EPM2A: variants seen among roughly 807,000 people sequenced by gnomAD.
EPM2A encodes the protein EPM2A glucan phosphatase, laforin.
Under a neutral mutation model 26.5 loss-of-function variants are expected in EPM2A, and 21 were observed. The ratio of observed to expected loss-of-function variants is 0.79; its 90% CI spans 0.56 to 1.14. The LOEUF (loss-of-function observed/expected upper bound fraction) is 1.14. Among genes scored for constraint, EPM2A ranks in the 50% most tolerant of loss-of-function variants. The pLI, the probability that EPM2A is intolerant of heterozygous loss-of-function variation, is 0.00. For synonymous variants in EPM2A, 217 were observed against 177.6 expected, an observed-to-expected ratio of 1.22 and a Z score of -1.76; for missense variants, 458 against 440.8, an observed-to-expected ratio of 1.04 and a Z score of -0.35.
intron 2 of EPM2A, 80 bp downstream of exon 2, chr6:145,686,042 C>G: frequency 7.4e-7 from 1 of 1,346,634 alleles, no homozygotes; most frequent in Non-Finnish European, 1.1e-6. Flanking sequence ...ACTGCAGTTT[C>G]GAACACAGTA....
intron 4 of EPM2A, among the ~76,000 whole-genome samples, chr6:145,488,549 GAT>G (rs1562355082): frequency 1.4e-5 from 2 of 144,954 alleles, no homozygotes; most frequent in East Asian, 2.0e-4. Flanking sequence ...GAGAGAGAGA[GAT>G]ACTTTATTTT....
intron 4 of EPM2A, among the ~76,000 whole-genome samples, chr6:145,483,167 T>A (rs1261769563): frequency 6.6e-6 from 1 of 152,116 alleles, no homozygotes; most frequent in Non-Finnish European, 1.5e-5. Context: ...TCTTTTAGCA[T>A]GAAATAGCCC....
Position 145,492,108 on chromosome 6 carries a change from C to T in EPM2A, c.555+10414G>A, listed in dbSNP as rs558273680. 23 of 248,820 alleles carry T rather than the reference C, an allele frequency of 9.2e-5. No homozygotes were observed. In the Admixed American group the frequency reaches 1.2e-3, roughly 13 times the overall value. 15.4% of individuals were successfully genotyped at this position (248,820 alleles called of 1,614,324 possible). The stretch of plus-strand genomic sequence containing the variant: ...CAACCTCCATGGCCATCAGGTTGCC[C>T]TAGTTCATGGTCTGTCCTCCTTCTG... On this transcript the variant is annotated intron_variant, in intron 4 of 4. Transcript: ENST00000638717.
At chr6:145,464,918 C>A (rs999408589) in intron 4 of EPM2A, among the ~76,000 whole-genome samples, 13 of 152,102 alleles carry the variant, frequency 8.5e-5, no homozygotes, top group Non-Finnish European at 1.5e-4. Context: ...TTTTTTCCTT[C>A]ATTTCAACTT....
At chr6:145,573,102 C>A (rs961307135) in intron 2 of EPM2A, among the ~76,000 whole-genome samples, 5 of 152,194 alleles carry the variant, frequency 3.3e-5, no homozygotes, top group African/African-American at 1.2e-4. Flanking sequence ...AAATGTCTCA[C>A]CAGTAAGTCC....
intron 4 of EPM2A, among the ~76,000 whole-genome samples, chr6:145,426,890 T>G (rs1433434911): frequency 6.6e-6 from 1 of 152,228 alleles, no homozygotes; most frequent in Admixed American, 6.5e-5. Flanking sequence ...TGAATCATCT[T>G]CAAAATGCAA....
At chr6:145,733,488 T>C (rs1219702343) in intron 1 of EPM2A, among the ~76,000 whole-genome samples, 2 of 152,132 alleles carry the variant, frequency 1.3e-5, no homozygotes, top group East Asian at 3.8e-4. Context: ...AACAAAAGTT[T>C]GTGGTACCTT....
chr6:145,386,921 AGACTTTTT>A (rs1288505987), intron 4 of EPM2A, among the ~76,000 whole-genome samples: 23 of 152,194 alleles, frequency 1.5e-4, no homozygotes, highest in Non-Finnish European at 1.9e-4. Context: ...TTGTTTAAAA[AGACTTTTT>A]CAGAGTATTG....
At chr6:145,509,921 G>A (rs1582811470) in intron 2 of EPM2A, among the ~76,000 whole-genome samples, 1 of 151,936 alleles carries the variant, frequency 6.6e-6, no homozygotes, top group South Asian at 2.1e-4. Context: ...ACAAAAAGGA[G>A]TAAATGTCAC....
Position 145,580,161 on chromosome 6 carries a change from C to G in EPM2A, c.340+55084G>C, listed in dbSNP as rs146078855. The stretch of plus-strand genomic sequence containing the variant: ...TCTTGTTTCTCTGATTAGATCCATA[C>G]TTCCATCTGGTATCATTGACCTTCT... On this transcript the variant is annotated intron_variant, in intron 2 of 3. Coordinates refer to the EPM2A transcript ENST00000450221. Among the ~76,000 whole-genome samples the G allele has an allele frequency of 7.1e-3, 1,082 of 152,260 alleles. 47 individuals carry two copies. Among genetic ancestry groups the G allele is most frequent in the Admixed American group, 0.062 (945 of 15,290 alleles).
chr6:145,712,678 A>G (rs1025912840), intron 1 of EPM2A, among the ~76,000 whole-genome samples: 2 of 152,174 alleles, frequency 1.3e-5, no homozygotes, highest in Non-Finnish European at 2.9e-5. Flanking sequence ...GAGTGTTTTG[A>G]GACACTAGCC....
chr6:145,666,715 A>G (rs981059544), intron 2 of EPM2A, among the ~76,000 whole-genome samples: 2 of 146,282 alleles, frequency 1.4e-5, no homozygotes, highest in African/African-American at 5.2e-5. Flanking sequence ...AGTCAATCCT[A>G]AGCCAAAAGA....
intron 2 of EPM2A, among the ~76,000 whole-genome samples, chr6:145,579,404 T>G (rs2114834361): frequency 6.6e-6 from 1 of 152,286 alleles, no homozygotes; most frequent in South Asian, 2.1e-4. Context: ...AAGATTGGCA[T>G]GTCCTGGAGA....
intron 4 of EPM2A, chr6:145,463,116 G>A (rs1779346507): frequency 6.6e-6 from 1 of 152,088 alleles, no homozygotes; most frequent in Admixed American, 6.6e-5. Flanking sequence ...CCTCTTCACA[G>A]GTAATGAGGG....
chr6:145,647,588 A>T (rs1312558251), intron 2 of EPM2A, among the ~76,000 whole-genome samples: 1 of 152,208 alleles, frequency 6.6e-6, no homozygotes, highest in Non-Finnish European at 1.5e-5. Flanking sequence ...TTCCTAGAGA[A>T]CAAGGATGCT....
chr6:145,720,674 T>TTTGTTTGGAGTACCA (rs1223861913), intron 1 of EPM2A, among the ~76,000 whole-genome samples: 1 of 152,194 alleles, frequency 6.6e-6, no homozygotes, highest in Admixed American at 6.5e-5. Context: ...ACAGAGATGG[T>TTTGTTTGGAGTACCA]AATATTTTGG....
chr6:145,729,835 T>C (rs867535281), intron 1 of EPM2A, among the ~76,000 whole-genome samples: 1 of 152,172 alleles, frequency 6.6e-6, no homozygotes. Flanking sequence ...GGAAGTGGAA[T>C]GATATGGTTT....
At chr6:145,501,929 G>T in intron 3 of EPM2A, 1 of 463,984 alleles carries the variant, frequency 2.2e-6, no homozygotes, top group South Asian at 1.6e-5. Context: ...TGAAGGCTTA[G>T]ACTGGAAGAC....
chr6:145,721,905 TG>T (rs1219759562), intron 1 of EPM2A, among the ~76,000 whole-genome samples: 5 of 152,330 alleles, frequency 3.3e-5, no homozygotes, highest in Non-Finnish European at 2.9e-5. Context: ...TACTACCTTT[TG>T]GGGGGAAAAA....
Sources: allele counts gnomAD v4.1 joint callset (sites outside exome capture counted in the v4.1 genomes callset), GRCh38; gene constraint gnomAD v4.1.1; transcripts MANE v1.5; gene names NCBI Gene and HGNC (gene_info 2026-07-23, HGNC 2026-07-21).